Variants in MACROD2 observed in about 807,000 individuals in gnomAD.
MACROD2 encodes the protein ADP-ribose glycohydrolase MACROD2.
In MACROD2, 36 loss-of-function variants were observed where a neutral mutation model predicts 70.4. The observed-to-expected ratio is 0.51, with a 90% CI of 0.39 to 0.68. The LOEUF (loss-of-function observed/expected upper bound fraction) is 0.68, where lower values mean the gene tolerates loss of function less well. MACROD2 is among the 30% of genes least tolerant of loss of function. The pLI is 0.00. For missense variants in MACROD2, 496 were observed against 538.4 expected (o/e 0.92, Z 0.78); for synonymous variants, 172 against 178.8 (o/e 0.96, Z 0.30).
chr20:14,647,507 G>T (rs1985457762), intron 4 of MACROD2, among the ~76,000 whole-genome samples: 1 of 152,080 alleles, frequency 6.6e-6, no homozygotes, highest in Non-Finnish European at 1.5e-5. Flanking sequence ...TGAAGGAATT[G>T]TCATGGCTAA....
intron 3 of MACROD2, among the ~76,000 whole-genome samples, chr20:14,122,400 C>A (rs6135067): frequency 6.6e-6 from 1 of 152,126 alleles, no homozygotes; most frequent in African/African-American, 2.4e-5. Context: ...AATACTGCAC[C>A]TAGGGTAAAC....
intron 8 of MACROD2, among the ~76,000 whole-genome samples, chr20:15,674,713 CA>C (rs779988843): frequency 8.7e-5 from 13 of 150,126 alleles, no homozygotes; most frequent in Non-Finnish European, 1.8e-4. Flanking sequence ...AAACTGTAGC[CA>C]AAAAGTGTGT....
At chr20:15,864,909 A>G (rs8116772) in intron 9 of MACROD2, among the ~76,000 whole-genome samples, 9,832 of 152,226 alleles carry the variant, frequency 0.065, 414 homozygotes, top group East Asian at 0.16. Flanking sequence ...AAAATTCTAA[A>G]TATGCAATAT....
At chr20:14,620,921 G>A (rs1295627070) in intron 4 of MACROD2, among the ~76,000 whole-genome samples, 2 of 152,098 alleles carry the variant, frequency 1.3e-5, no homozygotes, top group East Asian at 3.9e-4. Flanking sequence ...AGAAAGGAGG[G>A]TATTATTGGC....
intron 4 of MACROD2, among the ~76,000 whole-genome samples, chr20:14,678,028 C>G (rs1396512380): frequency 6.6e-6 from 1 of 152,132 alleles, no homozygotes; most frequent in Non-Finnish European, 1.5e-5. Context: ...TGTAGTGGTT[C>G]TACATAATAA....
At chr20:14,343,003 C>G (rs2083030411) in intron 3 of MACROD2, among the ~76,000 whole-genome samples, 1 of 151,990 alleles carries the variant, frequency 6.6e-6, no homozygotes, top group African/African-American at 2.4e-5. Flanking sequence ...TCCTTGGCCT[C>G]CCAGGAAAGA....
At chr20:15,980,169 C>T (rs779289205) in intron 13 of MACROD2, among the ~76,000 whole-genome samples, 17 of 152,196 alleles carry the variant, frequency 1.1e-4, no homozygotes, top group South Asian at 2.1e-4. Flanking sequence ...TGAATAACAT[C>T]GGTTTCTAAG....
intron 6 of MACROD2, among the ~76,000 whole-genome samples, chr20:15,351,042 A>G (rs2078221572): frequency 7.0e-6 from 1 of 142,654 alleles, no homozygotes; most frequent in South Asian, 2.4e-4. Context: ...TGTAAATATT[A>G]TTATGGAAAG....
chr20:15,089,807 T>C (rs549641906), intron 5 of MACROD2, among the ~76,000 whole-genome samples: 1 of 152,206 alleles, frequency 6.6e-6, no homozygotes, highest in Non-Finnish European at 1.5e-5. Context: ...TAGAAAAGCT[T>C]CTAGGACCCA....
At chr20:14,888,068 G>C (rs931548430) in intron 5 of MACROD2, 2 of 152,046 alleles carry the variant, frequency 1.3e-5, no homozygotes, top group African/African-American at 2.4e-5. Context: ...GGAGTACTTT[G>C]GGATTAGTTA....
intron 15 of MACROD2, among the ~76,000 whole-genome samples, chr20:16,034,210 G>A (rs2067192738): frequency 6.6e-6 from 1 of 152,028 alleles, no homozygotes; most frequent in Non-Finnish European, 1.5e-5. Context: ...ACCACATGAT[G>A]ATTATTTTAG....
chr20:15,386,672 T>C (rs1294980279), intron 6 of MACROD2, among the ~76,000 whole-genome samples: 2 of 152,182 alleles, frequency 1.3e-5, no homozygotes, highest in Non-Finnish European at 2.9e-5. Context: ...GTCTTGATCA[T>C]TGAAATTGTA....
chr20:14,980,525 C>T (rs986497677), intron 5 of MACROD2, among the ~76,000 whole-genome samples: 16 of 152,298 alleles, frequency 1.1e-4, no homozygotes, highest in Admixed American at 5.9e-4. Context: ...GACTAAGACA[C>T]GCCCTACAGG....
chr20:14,369,006 A>T (rs2083298476), intron 3 of MACROD2, among the ~76,000 whole-genome samples: 1 of 152,196 alleles, frequency 6.6e-6, no homozygotes, highest in African/African-American at 2.4e-5. Context: ...TTTATTAGCG[A>T]GCATGGGCAT....
chr20:15,838,583 C>T (rs1395417488), intron 8 of MACROD2, among the ~76,000 whole-genome samples: 2 of 152,104 alleles, frequency 1.3e-5, no homozygotes, highest in Non-Finnish European at 2.9e-5. Context: ...TTAGCTATTT[C>T]TATGGCAATT....
chr20:15,115,677 G>A (rs2075986769), intron 5 of MACROD2, among the ~76,000 whole-genome samples: 1 of 152,134 alleles, frequency 6.6e-6, no homozygotes, highest in Non-Finnish European at 1.5e-5. Context: ...CATGAAAATT[G>A]TCAAGTTACC....
chr20:14,447,498 C>CGT lies in MACROD2; in HGVS notation c.272-45967_272-45966dup, dbSNP rs143212282. On this transcript the variant is annotated intron_variant, in intron 3 of 17. Transcript: ENST00000684519. Reference sequence around the variant, plus strand: ...GGAGGGAAGTATGTGTGTACGTACACGTGTGTGTGTGTGTGCTGTGACTTT... The same window carrying CGT: ...GGAGGGAAGTATGTGTGTACGTACACGTGTGTGTGTGTGTGTGCTGTGACTTT... 2.3e-4 allele frequency among the ~76,000 whole-genome samples: 35 copies of CGT among 151,598 alleles called. 1 individual carries two copies. The South Asian group carries it at 3.1e-3, about 14-fold the overall frequency.
At chr20:14,418,311 T>C (rs1331190854) in intron 3 of MACROD2, among the ~76,000 whole-genome samples, 1 of 152,206 alleles carries the variant, frequency 6.6e-6, no homozygotes, top group Admixed American at 6.5e-5. Context: ...ATGATGAAAC[T>C]AAGATTTTTA....
intron 7 of MACROD2, among the ~76,000 whole-genome samples, chr20:15,475,855 T>A (rs2047015675): frequency 6.6e-6 from 1 of 152,242 alleles, no homozygotes; most frequent in African/African-American, 2.4e-5. Context: ...AATCCCACTA[T>A]TCTTAGCCTG....
Sources: allele counts gnomAD v4.1 joint callset (sites outside exome capture counted in the v4.1 genomes callset), GRCh38; gene constraint gnomAD v4.1.1; transcripts MANE v1.5; gene names NCBI Gene and HGNC (gene_info 2026-07-23, HGNC 2026-07-21).